The following ADRB3 variants were observed in gnomAD, a reference collection of about 807,000 sequenced individuals.
ADRB3 encodes the protein adrenoceptor beta 3.
Under a neutral mutation model 23.8 loss-of-function variants are expected in ADRB3, and 33 were observed. The observed-to-expected ratio is 1.38, with a 90% CI of 1.05 to 1.85. The LOEUF (loss-of-function observed/expected upper bound fraction) is 1.85. Among genes scored for constraint, ADRB3 ranks in the 40% most tolerant of loss-of-function variants. ADRB3 has a pLI of 0.00. For missense variants in ADRB3, 600 were observed against 579.6 expected, an observed-to-expected ratio of 1.04 and a Z score of -0.36; for synonymous variants, 289 against 273.0, an observed-to-expected ratio of 1.06 and a Z score of -0.58.
Position 37,963,963 on chromosome 8 carries a change from C to T in ADRB3, c.*255G>A, listed in dbSNP as rs1462056620. The T allele has an allele frequency of 5.2e-5, 23 of 441,922 alleles. No individual in the cohort carries two copies. Among genetic ancestry groups the T allele is most frequent in the East Asian group, 8.3e-5 (2 of 24,006 alleles). The allele number at this position is 441,922 out of a possible 1,614,324, so 27.4% of individuals were successfully genotyped here. A position where few individuals can be genotyped will look rare whatever the true frequency, so the allele number is the denominator to read the frequency against. On this transcript the variant is annotated 3_prime_UTR_variant, in exon 2 of 2. Transcript: ENST00000345060. ...CTACCAAAGCCAGCCTGCTGCTCCACGGCACCTGGACACTACCACTGAGGG... is the reference window on the plus strand; with the variant it reads ...CTACCAAAGCCAGCCTGCTGCTCCATGGCACCTGGACACTACCACTGAGGG...
In ADRB3 at chr8:37,966,158, C is replaced by A. The variant is rs372538709; in HGVS notation, c.312G>T (p.Pro104=). The change falls in exon 1 of 2, where the codon CCG becomes CCT. Residue 104 remains proline (P), a synonymous_variant. Coordinates refer to ENST00000345060, the MANE Select transcript of ADRB3 (RefSeq NM_000025.3). ...AATLALTGHW[P]LGATGCELWT... Reference sequence around the variant, plus strand: ...ACAGCTCGCAGCCAGTGGCGCCCAACGGCCAGTGGCCAGTCAGCGCCAAGG... The same window carrying A: ...ACAGCTCGCAGCCAGTGGCGCCCAAAGGCCAGTGGCCAGTCAGCGCCAAGG... 1.2e-5 allele frequency: 19 copies of A among 1,609,892 alleles called. No individual in the cohort carries two copies. Among genetic ancestry groups the A allele is most frequent in the Non-Finnish European group, 1.4e-5 (17 of 1,178,570 alleles).
At chr8:37,964,710 T>A (rs1384572930) in intron 1 of ADRB3, among the ~76,000 whole-genome samples, 1 of 152,122 alleles carries the variant, frequency 6.6e-6, no homozygotes, top group African/African-American at 2.4e-5. Context: ...GGCAGAAGGA[T>A]CACTTGAGGC....
chr8:37,964,026 C>A lies in ADRB3; in HGVS notation c.*192G>T. 1.8e-6 allele frequency: 1 copy of A among 570,048 alleles called. No individual in the cohort carries two copies. 35.3% of individuals were successfully genotyped at this position (570,048 alleles called of 1,614,324 possible). ...CAAGGCTGGGGTTTAGAAAACATCT[C>A]TCAGACAGAGAGCAAGAGGATGGTG... On this transcript the variant is annotated 3_prime_UTR_variant, in exon 2 of 2. Transcript: ENST00000345060.
At chr8:37,964,962 C>G in intron 1 of ADRB3, 1 of 343,660 alleles carries the variant, frequency 2.9e-6, no homozygotes, top group South Asian at 1.0e-4. Context: ...AAAAAAATCC[C>G]TAAAGCCGAC....
chr8:37,965,913 G>T lies in ADRB3; in HGVS notation c.557C>A (p.Ala186Glu), dbSNP rs199753604. 438 of 1,551,822 alleles carry T rather than the reference G, an allele frequency of 2.8e-4. 1 individual carries two copies. Among genetic ancestry groups the T allele is most frequent in the Admixed American group, 7.3e-4 (37 of 51,020 alleles). Residue 186 changes from alanine (A) to glutamate (E), a missense_variant, in exon 1 of 2, where the codon GCG becomes GAG. By Grantham distance (107) the Ala-to-Glu change is moderately radical. Coordinates refer to ENST00000345060, the MANE Select transcript of ADRB3 (RefSeq NM_000025.3). Reference sequence around the variant, plus strand: ...GCGCGGGTTGGAGTGGCAGCGCTGCGCCTCGGCGTCGGCCCCTACGCGCCA... The same window carrying T: ...GCGCGGGTTGGAGTGGCAGCGCTGCTCCTCGGCGTCGGCCCCTACGCGCCA... Reference protein sequence around the residue: ...QWWRVGADAEAQRCHSNPRCC... With the variant: ...QWWRVGADAEEQRCHSNPRCC...
rs201117694 is a variant in ADRB3 at position 37,965,752 on chromosome 8, C to A, written c.718G>T (p.Gly240Trp). The change falls in exon 1 of 2, where the codon GGG becomes TGG. Residue 240 changes from glycine (G) to tryptophan (W), a missense_variant. Physicochemically the swap from Gly to Trp is radical, Grantham distance 184 (BLOSUM62 -2). Coordinates refer to ENST00000345060, the MANE Select transcript of ADRB3 (RefSeq NM_000025.3). Reference protein sequence around the residue: ...VATRQLRLLRGELGRFPPEES... With the variant: ...VATRQLRLLRWELGRFPPEES... The stretch of plus-strand genomic sequence containing the variant: ...TCGGGCGGAAAGCGGCCCAGCTCCC[C>A]GCGCAGCAAGCGCAGCTGGCGCGTA... 3 of 1,550,768 alleles carry A rather than the reference C, an allele frequency of 1.9e-6. No homozygotes were observed. The highest frequency in any genetic ancestry group is 1.4e-5 in the African/African-American group (1 of 73,040).
rs1449742618 is a variant in ADRB3, at chr8:37,965,740, G to A, written c.730C>T (p.Arg244Cys). The part of the protein sequence containing the change: ...QLRLLRGELG[R>C]FPPEESPPAP... ...GGCGGAGACTCCTCGGGCGGAAAGC[G>A]GCCCAGCTCCCCGCGCAGCAAGCGC... The change falls in exon 1 of 2, where the codon CGC becomes TGC. Residue 244 changes from arginine to cysteine, a missense_variant. Coordinates refer to ENST00000345060, the MANE Select transcript of ADRB3 (RefSeq NM_000025.3). 4 of 1,550,222 alleles carry A rather than the reference G, an allele frequency of 2.6e-6. No individual in the cohort carries two copies. The highest frequency in any genetic ancestry group is 3.5e-6 in the Non-Finnish European group (4 of 1,146,494).
In ADRB3 at chr8:37,965,651, G is replaced by C; in HGVS notation, c.819C>G (p.Pro273=). Residue 273 remains proline, a synonymous_variant, in exon 1 of 2, where the codon CCC becomes CCG. Coordinates refer to ENST00000345060, the MANE Select transcript of ADRB3 (RefSeq NM_000025.3). ...GGCGCGCGGGCCGCCGGCCGCAGGC[G>C]GGCACCCCTTCGGGCGGAGCGCACG... is the stretch of plus-strand genomic sequence containing the variant. ...VGTCAPPEGV[P]ACGRRPARLL... is the part of the protein sequence containing the mutation. 1 of 1,534,602 alleles carries C rather than the reference G, an allele frequency of 6.5e-7. No individual in the cohort carries two copies. The highest frequency in any genetic ancestry group is 8.8e-7 in the Non-Finnish European group (1 of 1,141,084).
In ADRB3 at chr8:37,965,261, C is replaced by G. The variant is rs777630945; in HGVS notation, c.1205+4G>C. On this transcript the variant is annotated splice_donor_region_variant and intron_variant, in intron 1 of 1. Transcript: ENST00000345060. ...CCGCCGGTCCCTCTGCCCCGGTTAC[C>G]TACCCGTCGAGCCGTTGGCAAAGCC... is the stretch of plus-strand genomic sequence containing the variant. 4 of 1,509,442 alleles carry G rather than the reference C, an allele frequency of 2.6e-6. No homozygotes were observed. In the Admixed American group the frequency reaches 7.3e-5, roughly 28 times the overall value. The allele number at this position is 1,509,442 out of a possible 1,614,324, so 93.5% of individuals were successfully genotyped here.
rs1295615528 is a variant in ADRB3 at position 37,966,388 on chromosome 8, T to G, written c.82A>C (p.Ser28Arg). Residue 28 changes from serine (S) to arginine (R), a missense_variant, in exon 1 of 2, where the codon AGT becomes CGT. Coordinates refer to ENST00000345060, the MANE Select transcript of ADRB3 (RefSeq NM_000025.3). Reference sequence around the variant, plus strand: ...TCCCACGGAACCCCTGGCAGCCCACTGGTGTTGGCGGTATTGGGCGCCAGG... The same window carrying G: ...TCCCACGGAACCCCTGGCAGCCCACGGGTGTTGGCGGTATTGGGCGCCAGG... ...PTLAPNTANT[S>R]GLPGVPWEAA... The G allele has an allele frequency of 4.3e-6, 7 of 1,610,424 alleles. No individual in the cohort carries two copies. The highest frequency in any genetic ancestry group is 5.9e-6 in the Non-Finnish European group (7 of 1,178,854).
rs1386863334 is a variant in ADRB3 at position 37,963,278 on chromosome 8, C to T, written c.*940G>A. ...AACCTGGCCACAGCCAGCCCATCCC[C>T]CTGTGGGCCCTCTGTCCAAGTCCTG... On this transcript the variant is annotated 3_prime_UTR_variant, in exon 2 of 2. Coordinates refer to ENST00000345060, the MANE Select transcript of ADRB3 (RefSeq NM_000025.3). 1 of 152,284 alleles carries T rather than the reference C, an allele frequency of 6.6e-6. No homozygotes were observed. The highest frequency in any genetic ancestry group is 1.9e-4 in the East Asian group (1 of 5,206). 9.4% of individuals were successfully genotyped at this position (152,284 alleles called of 1,614,324 possible). A position where few individuals can be genotyped will look rare whatever the true frequency, so the allele number is the denominator to read the frequency against.
Position 37,965,613 on chromosome 8 carries a change from C to G in ADRB3, c.857G>C (p.Arg286Pro), listed in dbSNP as rs1194156196. ...GRRPARLLPL[R>P]EHRALCTLGL... ...CAAGGTGCACAGGGCCCGGTGTTCC[C>G]GGAGAGGCAGGAGGCGCGCGGGCCG... is the stretch of plus-strand genomic sequence containing the variant. The change falls in exon 1 of 2, where the codon CGG (arginine) becomes CCG (proline). Residue 286 changes from arginine to proline, a missense_variant. Arg to Pro is a moderately radical substitution (Grantham distance 103). Coordinates refer to ENST00000345060, the MANE Select transcript of ADRB3 (RefSeq NM_000025.3). 1.3e-6 allele frequency: 2 copies of G among 1,542,242 alleles called. No homozygotes were observed. The highest frequency in any genetic ancestry group is 1.2e-5 in the South Asian group (1 of 82,976).
At chr8:37,964,970 G>A (rs922068117) in intron 1 of ADRB3, 3 of 360,802 alleles carry the variant, frequency 8.3e-6, no homozygotes, top group Non-Finnish European at 1.5e-5. Flanking sequence ...CCCTAAAGCC[G>A]ACCAGGCGAG....
At position 37,963,546 on chromosome 8, in the gene ADRB3, G is replaced by A. The variant is rs1808240790; in HGVS notation, c.*672C>T. ...GATTATGAAAAGAAAACAAACGGAG[G>A]GAAAGGGGGCCGAGGATGAACTGCA... On this transcript the variant is annotated 3_prime_UTR_variant, in exon 2 of 2. Transcript: ENST00000345060. The A allele has an allele frequency of 6.6e-6, 1 of 152,604 alleles. No homozygotes were observed. Among genetic ancestry groups the A allele is most frequent in the Non-Finnish European group, 1.5e-5 (1 of 68,116 alleles). 9.5% of individuals were successfully genotyped at this position (152,604 alleles called of 1,614,324 possible).
In ADRB3 at chr8:37,965,288, G is replaced by A. The variant is rs1427850011; in HGVS notation, c.1182C>T (p.Pro394=). Residue 394 remains proline (P), a synonymous_variant, in exon 1 of 2, where the codon CCC becomes CCT. Coordinates refer to ENST00000345060, the MANE Select transcript of ADRB3 (RefSeq NM_000025.3). The part of the protein sequence containing the change: ...VPAARSSPAQ[P]RLCQRLDGAS... The stretch of plus-strand genomic sequence containing the variant: ...ACCCGTCGAGCCGTTGGCAAAGCCT[G>A]GGCTGCGCTGGGCTGCTCCGGGCCG... The A allele has an allele frequency of 6.6e-7, 1 of 1,525,286 alleles. No homozygotes were observed. Among genetic ancestry groups the A allele is most frequent in the African/African-American group, 1.4e-5 (1 of 70,558 alleles). The allele number at this position is 1,525,286 out of a possible 1,614,324, so 94.5% of individuals were successfully genotyped here. A position where few individuals can be genotyped will look rare whatever the true frequency, so the allele number is the denominator to read the frequency against.
rs1200194365 is a variant in ADRB3 at position 37,965,330 on chromosome 8, G to A, written c.1140C>T (p.Phe380=). ...EPCAAARPAL[F]PSGVPAARSS... ...TCCGGGCCGCAGGAACGCCCGAGGG[G>A]AAGAGGGCCGGGCGGGCGGCGGCGC... The change falls in exon 1 of 2, where the codon TTC becomes TTT. Residue 380 remains phenylalanine (F), a synonymous_variant. Transcript: ENST00000345060. The A allele has an allele frequency of 7.1e-6, 11 of 1,543,868 alleles. No homozygotes were observed. Among genetic ancestry groups the A allele is most frequent in the Non-Finnish European group, 9.6e-6 (11 of 1,146,648 alleles).
chr8:37,965,322 C>T lies in ADRB3; in HGVS notation c.1148G>A (p.Gly383Asp). The T allele has an allele frequency of 6.5e-7, 1 of 1,543,870 alleles. No individual in the cohort carries two copies. The highest frequency in any genetic ancestry group is 1.4e-5 in the African/African-American group (1 of 72,358). The change falls in exon 1 of 2, where the codon GGC becomes GAC. Residue 383 changes from glycine to aspartate, a missense_variant. Physicochemically the swap from Gly to Asp is moderately conservative, Grantham distance 94 (BLOSUM62 -1). Transcript: ENST00000345060. ...AAARPALFPS[G>D]VPAARSSPAQ... ...TGGGCTGCTCCGGGCCGCAGGAACG[C>T]CCGAGGGGAAGAGGGCCGGGCGGGC...
chr8:37,965,705 C>A lies in ADRB3; in HGVS notation c.765G>T (p.Ser255=), dbSNP rs533393314. The A allele has an allele frequency of 1.3e-6, 2 of 1,545,550 alleles. No individual in the cohort carries two copies. The highest frequency in any genetic ancestry group is 2.5e-5 in the East Asian group (1 of 40,734). ...CCACCGGGGCCGGGGCCAGAGAGCGCGACGGCGCCGGCGGAGACTCCTCGG... is the reference window on the plus strand; with the variant it reads ...CCACCGGGGCCGGGGCCAGAGAGCGAGACGGCGCCGGCGGAGACTCCTCGG... ...FPPEESPPAP[S]RSLAPAPVGT... The change falls in exon 1 of 2, where the codon TCG becomes TCT. Residue 255 remains serine (S), a synonymous_variant. Coordinates refer to ENST00000345060, the MANE Select transcript of ADRB3 (RefSeq NM_000025.3).
chr8:37,963,029 C>T lies in ADRB3; in HGVS notation c.*1189G>A, dbSNP rs928766119. On this transcript the variant is annotated 3_prime_UTR_variant, in exon 2 of 2. Transcript: ENST00000345060. ...CCAGTTTTACTTTAAGAGGATAATACAGATTTTTGTAGCTGGGGAAGGTGA... is the reference window on the plus strand; with the variant it reads ...CCAGTTTTACTTTAAGAGGATAATATAGATTTTTGTAGCTGGGGAAGGTGA... The T allele has an allele frequency of 6.6e-6, 1 of 152,074 alleles. No individual in the cohort carries two copies. The allele number at this position is 152,074 out of a possible 1,614,324, so 9.4% of individuals were successfully genotyped here.
Sources: gnomAD v4.1 joint callset for allele counts (sites outside exome capture counted in the v4.1 genomes callset) on GRCh38, gnomAD v4.1.1 for gene constraint, MANE v1.5 for transcripts, NCBI Gene and HGNC (gene_info 2026-07-23, HGNC 2026-07-21) for gene names.